MALRD1: variants seen among roughly 807,000 people sequenced by gnomAD.
The protein encoded by MALRD1 is MAM and LDL receptor class A domain containing 1.
In MALRD1, 247 loss-of-function variants were observed where a neutral mutation model predicts 242.1. The observed-to-expected ratio is 1.02, with a 90% CI of 0.92 to 1.13. The LOEUF (loss-of-function observed/expected upper bound fraction) is 1.13, where lower values mean the gene tolerates loss of function less well. MALRD1 is among the 50% of genes most tolerant of loss of function. The probability of loss-of-function intolerance (pLI) is 0.00; values close to 1 mark genes in which losing one functional copy is unlikely to be tolerated. For synonymous variants in MALRD1, 995 were observed against 866.6 expected, an observed-to-expected ratio of 1.15 and a Z score of -2.60; for missense variants, 2,989 against 2,533.1, an observed-to-expected ratio of 1.18 and a Z score of -3.86.
intron 29 of MALRD1, among the ~76,000 whole-genome samples, chr10:19,476,722 C>T (rs1441336892): frequency 1.3e-5 from 2 of 152,154 alleles, no homozygotes; most frequent in African/African-American, 4.8e-5. Context: ...TTTGTGTTTA[C>T]TTTGGACACC....
At chr10:19,269,962 A>T (rs1397069722) in intron 19 of MALRD1, among the ~76,000 whole-genome samples, 3 of 152,190 alleles carry the variant, frequency 2.0e-5, no homozygotes, top group Admixed American at 6.5e-5. Context: ...CATGTCCATG[A>T]TTTCTCTCTA....
chr10:19,352,339 T>C, intron 26 of MALRD1, 42 bp downstream of exon 26: 1 of 1,507,976 alleles, frequency 6.6e-7, no homozygotes, highest in South Asian at 1.2e-5. Flanking sequence ...TTTTGCATGG[T>C]GAAAGGTGAA....
intron 31 of MALRD1, among the ~76,000 whole-genome samples, chr10:19,529,686 T>C (rs939440632): frequency 6.6e-6 from 1 of 151,994 alleles, no homozygotes; most frequent in Non-Finnish European, 1.5e-5. Context: ...TTTGTCAAAA[T>C]AGATGCAAAC....
At chr10:19,587,389 A>C (rs150285203) in intron 33 of MALRD1, among the ~76,000 whole-genome samples, 2 of 152,254 alleles carry the variant, frequency 1.3e-5, no homozygotes, top group East Asian at 1.9e-4. Context: ...TGGCAACAAC[A>C]TAATTTCTGC....
chr10:19,395,825 G>A (rs1415624477), intron 28 of MALRD1, among the ~76,000 whole-genome samples: 1 of 152,056 alleles, frequency 6.6e-6, no homozygotes, highest in Non-Finnish European at 1.5e-5. Flanking sequence ...AACTTCTTCT[G>A]TTCCCATGTT....
intron 36 of MALRD1, among the ~76,000 whole-genome samples, chr10:19,667,514 C>A (rs1290935593): frequency 6.6e-6 from 1 of 152,004 alleles, no homozygotes; most frequent in Non-Finnish European, 1.5e-5. Flanking sequence ...GGGACAGATT[C>A]TTTGTGGCTT....
chr10:19,592,984 A>G (rs1837895697), intron 33 of MALRD1, among the ~76,000 whole-genome samples: 1 of 149,166 alleles, frequency 6.7e-6, no homozygotes, highest in African/African-American at 2.5e-5. Flanking sequence ...ATAAAGATGA[A>G]AGTTTTATGC....
At chr10:19,583,523 C>T (rs1381100404) in intron 33 of MALRD1, among the ~76,000 whole-genome samples, 1 of 150,444 alleles carries the variant, frequency 6.6e-6, no homozygotes, top group Non-Finnish European at 1.5e-5. Flanking sequence ...TGCTGGATTA[C>T]ATTTATTGAT....
chr10:19,228,429 T>G (rs1010285331), intron 18 of MALRD1, among the ~76,000 whole-genome samples: 1 of 152,178 alleles, frequency 6.6e-6, no homozygotes. Flanking sequence ...GAAAACATTT[T>G]GTGATGATGC....
chr10:19,676,623 A>G (rs1842149164), intron 36 of MALRD1, among the ~76,000 whole-genome samples: 1 of 152,172 alleles, frequency 6.6e-6, no homozygotes, highest in Non-Finnish European at 1.5e-5. Flanking sequence ...TCTTGTTTAC[A>G]TTTATAATGT....
chr10:19,723,262 T>C (rs1445551969), intron 38 of MALRD1, among the ~76,000 whole-genome samples: 1 of 152,222 alleles, frequency 6.6e-6, no homozygotes, highest in Non-Finnish European at 1.5e-5. Context: ...TCCATTAACA[T>C]CATTTGACAG....
chr10:19,640,502 T>G (rs927435304), intron 36 of MALRD1, among the ~76,000 whole-genome samples: 2 of 152,202 alleles, frequency 1.3e-5, no homozygotes, highest in Non-Finnish European at 2.9e-5. Flanking sequence ...TTTAATTTTT[T>G]TTTTCAAATA....
chr10:19,057,340 G>T (rs759575990), intron 1 of MALRD1, among the ~76,000 whole-genome samples: 3 of 152,066 alleles, frequency 2.0e-5, no homozygotes, highest in Non-Finnish European at 4.4e-5. Context: ...CCTCTGCTTG[G>T]TCTGCAGACG....
chr10:19,446,229 G>C (rs1834972130), intron 28 of MALRD1, among the ~76,000 whole-genome samples: 1 of 152,144 alleles, frequency 6.6e-6, no homozygotes, highest in Admixed American at 6.6e-5. Context: ...AGTCGCTTGT[G>C]GTTCCCGTGT....
At chr10:19,561,922 G>C (rs913835625) in intron 32 of MALRD1, among the ~76,000 whole-genome samples, 1 of 152,122 alleles carries the variant, frequency 6.6e-6, no homozygotes, top group Admixed American at 6.6e-5. Flanking sequence ...GACAAGAACA[G>C]AATGTTCTTG....
chr10:19,430,472 A>G (rs11009865), intron 28 of MALRD1, among the ~76,000 whole-genome samples: 25,159 of 151,530 alleles, frequency 0.17, 2,831 homozygotes, highest in African/African-American at 0.33. Flanking sequence ...GGCCCATTTC[A>G]AGTGCTACAC....
At chr10:19,320,631 T>G (rs1269435537) in intron 21 of MALRD1, among the ~76,000 whole-genome samples, 1 of 152,162 alleles carries the variant, frequency 6.6e-6, no homozygotes, top group East Asian at 1.9e-4. Flanking sequence ...TTCTAGATCC[T>G]TGAGGAATTG....
intron 26 of MALRD1, among the ~76,000 whole-genome samples, chr10:19,358,610 C>T (rs1212641000): frequency 2.0e-5 from 3 of 152,146 alleles, no homozygotes; most frequent in Admixed American, 6.6e-5. Flanking sequence ...TCTACTTCAA[C>T]CTCTCTAATT....
chr10:19,151,210 A>G (rs1049469413), intron 11 of MALRD1, among the ~76,000 whole-genome samples: 8 of 151,986 alleles, frequency 5.3e-5, no homozygotes, highest in Non-Finnish European at 1.0e-4. Flanking sequence ...CAATGTCTCA[A>G]TTTATTTGGG....
Sources: allele counts gnomAD v4.1 joint callset (sites outside exome capture counted in the v4.1 genomes callset), GRCh38; gene constraint gnomAD v4.1.1; transcripts MANE v1.5; gene names NCBI Gene and HGNC (gene_info 2026-07-23, HGNC 2026-07-21).